DNA2: variants seen among roughly 807,000 people sequenced by gnomAD.
The protein encoded by DNA2 is DNA replication helicase/nuclease 2, also known as DNA replication ATP-dependent helicase/nuclease DNA2.
A neutral mutation model predicts 119.1 loss-of-function variants in DNA2; 101 were observed. That is an observed-to-expected ratio of 0.85 (90% confidence interval 0.72 to 1.00). The LOEUF (loss-of-function observed/expected upper bound fraction) is 1.00. DNA2 is among the 50% of genes least tolerant of loss of function. The probability of loss-of-function intolerance (pLI) is 0.00; values close to 1 mark genes in which losing one functional copy is unlikely to be tolerated. For synonymous variants in DNA2, 366 were observed against 424.4 expected (o/e 0.86, Z 1.69); for missense variants, 1,121 against 1,255.5 (o/e 0.89, Z 1.62).
At chr10:68,430,907 G>C (rs2051811781) in intron 13 of DNA2, among the ~76,000 whole-genome samples, 1 of 152,158 alleles carries the variant, frequency 6.6e-6, no homozygotes, top group Non-Finnish European at 1.5e-5. Flanking sequence ...GCTGAGGCAA[G>C]TGGATCACTT....
At chr10:68,440,294 TTTTA>T (rs966780224) in intron 9 of DNA2, among the ~76,000 whole-genome samples, 3 of 152,006 alleles carry the variant, frequency 2.0e-5, no homozygotes, top group Non-Finnish European at 4.4e-5. Context: ...CTTTTTTATT[TTTTA>T]TTTATTTATT....
intron 2 of DNA2, among the ~76,000 whole-genome samples, chr10:68,468,913 G>C (rs1336307525): frequency 6.6e-6 from 1 of 152,088 alleles, no homozygotes; most frequent in African/African-American, 2.4e-5. Flanking sequence ...AGCCGGGCGT[G>C]GTGGCGGACG....
At chr10:68,420,031 C>T (rs754923260) in intron 17 of DNA2, 139 bp from the exon 18 acceptor site, 113 of 696,244 alleles carry the variant, frequency 1.6e-4, no homozygotes, top group Middle Eastern at 1.5e-3. Context: ...AAAGAATCAA[C>T]AAAAATGAAT....
chr10:68,448,980 T>TGTGTGTGCGC (rs1554907491), intron 6 of DNA2, among the ~76,000 whole-genome samples: 1 of 142,116 alleles, frequency 7.0e-6, no homozygotes, highest in African/African-American at 3.0e-5. Context: ...TGTGTGTGTG[T>TGTGTGTGCGC]GTGTGTAGTA....
At chr10:68,462,610 T>C (rs911524688) in intron 4 of DNA2, among the ~76,000 whole-genome samples, 2 of 152,154 alleles carry the variant, frequency 1.3e-5, no homozygotes, top group African/African-American at 4.8e-5. Context: ...AGCTCCGCAA[T>C]CTTAATAACT....
intron 5 of DNA2, among the ~76,000 whole-genome samples, chr10:68,455,309 T>C (rs904699311): frequency 3.9e-5 from 6 of 152,144 alleles, no homozygotes; most frequent in African/African-American, 1.4e-4. Context: ...AGCAAGGAAC[T>C]AGGTGAAGGA....
rs770917094 is a variant in DNA2, at chr10:68,430,677, G to C, written c.1984-17C>G. 6.1e-6 allele frequency: 9 copies of C among 1,475,302 alleles called. No homozygotes were observed. The highest frequency in any genetic ancestry group is 1.3e-5 in the South Asian group (1 of 76,232). The allele number at this position is 1,475,302 out of a possible 1,614,324, so 91.4% of individuals were successfully genotyped here. A position where few individuals can be genotyped will look rare whatever the true frequency, so the allele number is the denominator to read the frequency against. On this transcript the variant is annotated splice_polypyrimidine_tract_variant and intron_variant, in intron 13 of 20. Coordinates refer to ENST00000358410, the MANE Select transcript of DNA2 (RefSeq NM_001080449.3). ...AATTCTTACCTAATAATGGGTAAGAGAAAAAAGAAAAAACAGCCTTACTTT... is the reference window on the plus strand; with the variant it reads ...AATTCTTACCTAATAATGGGTAAGACAAAAAAGAAAAAACAGCCTTACTTT...
rs868452137 is a variant in DNA2 at position 68,419,176 on chromosome 10, G to A, written c.2825C>T (p.Pro942Leu). ...CSPSDIGIIA[P>L]YRQQLKIIND... ...GATGATCTTTAATTGCTGCCTGTACGGTGCAATAATACCAATATCAGAGGG... is the reference window on the plus strand; with the variant it reads ...GATGATCTTTAATTGCTGCCTGTACAGTGCAATAATACCAATATCAGAGGG... Residue 942 changes from proline to leucine, a missense_variant, in exon 19 of 21, where the codon CCG becomes CTG. Transcript: ENST00000358410. 43 of 1,606,962 alleles carry A rather than the reference G, an allele frequency of 2.7e-5. No individual in the cohort carries two copies. The highest frequency in any genetic ancestry group is 4.5e-5 in the East Asian group (2 of 44,494).
chr10:68,466,580 CT>C (rs71977657), intron 3 of DNA2, among the ~76,000 whole-genome samples: 27,237 of 137,218 alleles, frequency 0.2, 3,104 homozygotes, highest in African/African-American at 0.38. Context: ...TAGCCTAGAC[CT>C]TTTTTTTTTT....
At chr10:68,462,434 T>A (rs2052272304) in intron 4 of DNA2, among the ~76,000 whole-genome samples, 1 of 152,200 alleles carries the variant, frequency 6.6e-6, no homozygotes, top group Non-Finnish European at 1.5e-5. Context: ...CATGTTTTAC[T>A]TTCTAGTACA....
At chr10:68,449,089 G>A (rs2052084219) in intron 6 of DNA2, among the ~76,000 whole-genome samples, 1 of 152,058 alleles carries the variant, frequency 6.6e-6, no homozygotes, top group Non-Finnish European at 1.5e-5. Context: ...GTGAGCCACT[G>A]TGCTGGCCTG....
At position 68,463,540 on chromosome 10, in the gene DNA2, C is replaced by G. The variant is rs995947734; in HGVS notation, c.587+2127G>C. 2.0e-5 allele frequency among the ~76,000 whole-genome samples: 3 copies of G among 148,854 alleles called. No homozygotes were observed. The Middle Eastern group carries it at 0.011, about 528-fold the overall frequency. On this transcript the variant is annotated intron_variant, in intron 4 of 20. Coordinates refer to ENST00000358410, the MANE Select transcript of DNA2 (RefSeq NM_001080449.3). ...ACTATTCCAGGCGTGGTGGCAGGCG[C>G]CTGTAGTCCCAGATCAGATACTCGG...
At chr10:68,470,718 G>C (rs10509302) in intron 1 of DNA2, 43,752 of 336,390 alleles carry the variant, frequency 0.13, 3,456 homozygotes, top group South Asian at 0.25. Context: ...GAGATGTTTT[G>C]GACACGATCC....
intron 5 of DNA2, among the ~76,000 whole-genome samples, chr10:68,456,384 C>G (rs544080982): frequency 1.3e-4 from 20 of 152,298 alleles, no homozygotes; most frequent in Middle Eastern, 3.4e-3. Flanking sequence ...AAAGAACTAA[C>G]TACTGCAAAG....
Position 68,462,940 on chromosome 10 carries a change from C to G in DNA2, c.587+2727G>C, listed in dbSNP as rs368480431. On this transcript the variant is annotated intron_variant, in intron 4 of 20. Transcript: ENST00000358410. ...GGTCAGGAGTTTGAGACCAGCCTGG[C>G]CAACATGGTGAAACCCCATCTTTAC... is the stretch of plus-strand genomic sequence containing the variant. 2.0e-5 allele frequency among the ~76,000 whole-genome samples: 3 copies of G among 151,534 alleles called. No homozygotes were observed. In the East Asian group the frequency reaches 5.8e-4, roughly 30 times the overall value.
chr10:68,465,851 T>G, intron 3 of DNA2, 39 bp from the exon 4 acceptor site: 2 of 1,434,402 alleles, frequency 1.4e-6, no homozygotes, highest in Non-Finnish European at 1.8e-6. Context: ...CACAACATAT[T>G]AACAGACACA....
At chr10:68,467,483 C>T (rs1352692170) in intron 3 of DNA2, among the ~76,000 whole-genome samples, 9 of 151,960 alleles carry the variant, frequency 5.9e-5, no homozygotes. Context: ...AAATAAAAAG[C>T]TGGGTGTTGA....
chr10:68,416,759 A>T lies in DNA2; in HGVS notation c.3064T>A (p.Cys1022Ser), dbSNP rs752268429. ...AGCAGCTTCTCCAAAGGAGGATAGCAATTTAGTGAGGGCACACACCCCAGA... is the reference window on the plus strand; with the variant it reads ...AGCAGCTTCTCCAAAGGAGGATAGCTATTTAGTGAGGGCACACACCCCAGA... ...ILLGCVPSLN[C>S]YPPLEKLLNH... The change falls in exon 20 of 21, where the codon TGC becomes AGC. Residue 1022 changes from cysteine (C) to serine (S), a missense_variant. By Grantham distance (112) the Cys-to-Ser change is moderately radical (BLOSUM62 -1). Coordinates refer to ENST00000358410, the MANE Select transcript of DNA2 (RefSeq NM_001080449.3). 6 of 1,613,946 alleles carry T rather than the reference A, an allele frequency of 3.7e-6. No homozygotes were observed. In the South Asian group the frequency reaches 6.6e-5, roughly 18 times the overall value.
intron 4 of DNA2, among the ~76,000 whole-genome samples, chr10:68,461,701 G>A (rs2052260874): frequency 1.3e-5 from 2 of 151,884 alleles, no homozygotes; most frequent in Non-Finnish European, 2.9e-5. Context: ...GGTGGTGCAT[G>A]CCTGTAATCC....
Sources: gnomAD v4.1 joint callset for allele counts (sites outside exome capture counted in the v4.1 genomes callset) on GRCh38, gnomAD v4.1.1 for gene constraint, MANE v1.5 for transcripts, NCBI Gene and HGNC (gene_info 2026-07-23, HGNC 2026-07-21) for gene names.